GFI1B: variants seen among roughly 807,000 people sequenced by gnomAD.
GFI1B encodes zinc finger protein Gfi-1b.
GFI1B carries 20 observed loss-of-function variants against 35.3 expected under a neutral mutation model. That is an observed-to-expected ratio of 0.57 (90% confidence interval 0.40 to 0.82). The LOEUF (loss-of-function observed/expected upper bound fraction) is 0.82, where lower values mean the gene tolerates loss of function less well. GFI1B is among the 40% of genes least tolerant of loss of function. GFI1B has a pLI of 0.00. For synonymous variants in GFI1B, 178 were observed against 177.6 expected (o/e 1.00, Z -0.02); for missense variants, 430 against 446.3 (o/e 0.96, Z 0.33).
intron 1 of GFI1B, among the ~76,000 whole-genome samples, chr9:132,984,876 A>G (rs1848979910): frequency 6.6e-6 from 1 of 152,012 alleles, no homozygotes; most frequent in Admixed American, 6.5e-5. Context: ...GCTGTGGTTC[A>G]TCTCCTTGGG....
intron 3 of GFI1B, among the ~76,000 whole-genome samples, chr9:132,987,786 T>A (rs1366096928): frequency 6.6e-6 from 1 of 151,874 alleles, no homozygotes; most frequent in Non-Finnish European, 1.5e-5. Context: ...CCACATGAGG[T>A]GATGAAGGTA....
intron 1 of GFI1B, among the ~76,000 whole-genome samples, chr9:132,955,093 T>C (rs1305978044): frequency 6.6e-6 from 1 of 152,208 alleles, no homozygotes; most frequent in East Asian, 1.9e-4. Context: ...GCTGGCATTC[T>C]TCATTTATTT....
intron 1 of GFI1B, among the ~76,000 whole-genome samples, chr9:132,965,414 A>G (rs1452614866): frequency 6.6e-6 from 1 of 152,210 alleles, no homozygotes; most frequent in Non-Finnish European, 1.5e-5. Context: ...ATTTGAGGAA[A>G]CCGTAGTGGG....
chr9:132,987,554 CTG>C, intron 3 of GFI1B, 135 bp downstream of exon 3: 1 of 987,482 alleles, frequency 1.0e-6, no homozygotes, highest in Non-Finnish European at 1.5e-6. Context: ...AGCCCGGGCT[CTG>C]TGGCTTCTGC....
chr9:132,977,381 C>T (rs1037488139), upstream of GFI1B, among the ~76,000 whole-genome samples: 3 of 152,166 alleles, frequency 2.0e-5, no homozygotes, highest in African/African-American at 4.8e-5. Context: ...GGCCTGGTGA[C>T]CACAGGGTTG....
intron 1 of GFI1B, among the ~76,000 whole-genome samples, chr9:132,962,908 TA>T (rs1477113365): frequency 5.6e-5 from 3 of 53,280 alleles, no homozygotes; most frequent in Non-Finnish European, 1.1e-4. Flanking sequence ...CCATCTCTAC[TA>T]AAAATACAAA....
At chr9:132,987,837 GTTTAT>G (rs1173251689) in intron 3 of GFI1B, among the ~76,000 whole-genome samples, 1 of 151,988 alleles carries the variant, frequency 6.6e-6, no homozygotes, top group African/African-American at 2.4e-5. Context: ...GGTGCCCTGT[GTTTAT>G]TTTATTTCAT....
In GFI1B at chr9:132,989,092, A is replaced by G. The variant is rs973515605; in HGVS notation, c.542A>G (p.His181Arg). 2 of 1,613,860 alleles carry G rather than the reference A, an allele frequency of 1.2e-6. No homozygotes were observed. Among genetic ancestry groups the G allele is most frequent in the African/African-American group, 1.3e-5 (1 of 74,926 alleles). Reference sequence around the variant, plus strand: ...TCCACCCCTCACGGGCTCGAAGTGCATGTGCGACGCTCCCATAGTGGGACC... The same window carrying G: ...TCCACCCCTCACGGGCTCGAAGTGCGTGTGCGACGCTCCCATAGTGGGACC... ...VFSTPHGLEV[H>R]VRRSHSGTRP... Residue 181 changes from histidine to arginine, a missense_variant, in exon 5 of 7, where the codon CAT (histidine) becomes CGT (arginine). Coordinates refer to ENST00000372122, the MANE Select transcript of GFI1B (RefSeq NM_001377304.1). The surrounding 1 kb of genome is among the most constrained non-coding windows in gnomAD (Gnocchi z 6.2).
intron 1 of GFI1B, among the ~76,000 whole-genome samples, chr9:132,981,658 G>A (rs900084314): frequency 1.3e-5 from 2 of 151,944 alleles, no homozygotes; most frequent in Non-Finnish European, 2.9e-5. Flanking sequence ...TAATAATGAT[G>A]GTGATGATGA....
At chr9:132,949,938 A>AC (rs936859653) in intron 1 of GFI1B, 2 of 153,020 alleles carry the variant, frequency 1.3e-5, no homozygotes, top group African/African-American at 4.8e-5. Context: ...ACATAGCAAG[A>AC]CCCCATCTCT....
In GFI1B at chr9:132,989,264, G is replaced by A; in HGVS notation, c.648+66G>A. ...TTCTCTGTGCTTCCCCAGGGAGCCT[G>A]GGGGCTGTGGCTGGGTCCCTCCCCC... On this transcript the variant is annotated intron_variant, in intron 5 of 6. Coordinates refer to ENST00000372122, the MANE Select transcript of GFI1B (RefSeq NM_001377304.1). The surrounding 1 kb of genome is among the most constrained non-coding windows in gnomAD (Gnocchi z 6.2). 2 of 1,516,460 alleles carry A rather than the reference G, an allele frequency of 1.3e-6. No individual in the cohort carries two copies. The highest frequency in any genetic ancestry group is 2.7e-5 in the African/African-American group (2 of 73,198). 93.9% of individuals were successfully genotyped at this position (1,516,460 alleles called of 1,614,324 possible).
chr9:132,990,900 C>T lies in GFI1B; in HGVS notation c.843C>T (p.Cys281=), dbSNP rs190810570. ...TGEKPHKCQV[C]GKAFSQSSNL... ...AGAAGCCGCACAAGTGCCAGGTGTG[C>T]GGAAAGGCCTTCAGCCAGAGCTCCA... The change falls in exon 7 of 7, where the codon TGC becomes TGT. Residue 281 remains cysteine (C), a synonymous_variant. Transcript: ENST00000372122. 4.2e-5 allele frequency: 67 copies of T among 1,614,180 alleles called. 1 individual carries two copies. Among genetic ancestry groups the T allele is most frequent in the African/African-American group, 2.0e-4 (15 of 75,058 alleles).
intron 1 of GFI1B, among the ~76,000 whole-genome samples, chr9:132,965,130 AC>A (rs1358157514): frequency 6.6e-6 from 1 of 152,188 alleles, no homozygotes; most frequent in East Asian, 1.9e-4. Flanking sequence ...AGTCATAATT[AC>A]AAAAATAAAT....
intron 1 of GFI1B, among the ~76,000 whole-genome samples, chr9:132,950,340 G>A (rs936828338): frequency 6.6e-6 from 1 of 151,844 alleles, no homozygotes; most frequent in Non-Finnish European, 1.5e-5. Context: ...CCCCTGCCCT[G>A]AGCCCACTAC....
chr9:132,948,230 G>T (rs1352871914), intron 1 of GFI1B, among the ~76,000 whole-genome samples: 3 of 152,066 alleles, frequency 2.0e-5, no homozygotes, highest in Admixed American at 6.6e-5. Flanking sequence ...TTTCCTTTGG[G>T]GTCACTAAAC....
intron 1 of GFI1B, among the ~76,000 whole-genome samples, chr9:132,980,544 T>A (rs1459094655): frequency 6.6e-6 from 1 of 152,230 alleles, no homozygotes. Flanking sequence ...TTTCCCGTTT[T>A]AGCCATTTTC....
intron 1 of GFI1B, chr9:132,947,127 G>A (rs1046353203): frequency 2.0e-5 from 3 of 152,356 alleles, no homozygotes. Context: ...CTTCCTGACC[G>A]GCCTGTCTGA....
intron 1 of GFI1B, among the ~76,000 whole-genome samples, chr9:132,950,250 A>G (rs1564521533): frequency 6.6e-6 from 1 of 151,918 alleles, no homozygotes; most frequent in Non-Finnish European, 1.5e-5. Context: ...CCCACATCAC[A>G]CCTGTTCTTC....
upstream of GFI1B, among the ~76,000 whole-genome samples, chr9:132,973,788 TG>T (rs1301509439): frequency 1.3e-5 from 2 of 152,208 alleles, no homozygotes; most frequent in Non-Finnish European, 2.9e-5. Flanking sequence ...AACGCCTCTC[TG>T]GCCTTATTCT....
Sources: allele counts gnomAD v4.1 joint callset (sites outside exome capture counted in the v4.1 genomes callset), GRCh38; gene constraint gnomAD v4.1.1; non-coding constraint Gnocchi (gnomAD v3.1); transcripts MANE v1.5; gene names NCBI Gene and HGNC (gene_info 2026-07-23, HGNC 2026-07-21).